Variants in EXOC4 observed in about 807,000 individuals in gnomAD.
The protein encoded by EXOC4 is SEC8-like 1.
In EXOC4, 71 loss-of-function variants were observed where a neutral mutation model predicts 107.2. The ratio of observed to expected loss-of-function variants is 0.66; its 90% CI spans 0.55 to 0.81. The LOEUF (loss-of-function observed/expected upper bound fraction) is 0.81, where lower values mean the gene tolerates loss of function less well. Among genes scored for constraint, EXOC4 ranks in the 30% least tolerant of loss-of-function variants. The probability of loss-of-function intolerance (pLI) is 0.00; values close to 1 mark genes in which losing one functional copy is unlikely to be tolerated. For missense variants in EXOC4, 1,108 were observed against 1,189.6 expected, an observed-to-expected ratio of 0.93 and a Z score of 1.01; for synonymous variants, 456 against 441.2, an observed-to-expected ratio of 1.03 and a Z score of -0.42.
At chr7:133,271,741 G>A (rs1046377632) in intron 1 of EXOC4, among the ~76,000 whole-genome samples, 2 of 152,154 alleles carry the variant, frequency 1.3e-5, no homozygotes. Flanking sequence ...CGCTTACGCC[G>A]CTTGCTGTGC....
At chr7:134,088,288 A>C in the EXOC4 span, among the ~76,000 whole-genome samples, 5 of 152,360 alleles carry the variant, frequency 3.3e-5, no homozygotes, top group South Asian at 4.1e-4. Context: ...AAAAGAAAAC[A>C]GATTCTTATT....
At chr7:133,576,629 G>A in intron 9 of EXOC4, 1 of 1,289,746 alleles carries the variant, frequency 7.8e-7, no homozygotes, top group South Asian at 1.2e-5. Flanking sequence ...CCTAGCTATT[G>A]CTAAATGTGA....
At chr7:133,970,048 A>G (rs1337748491) in intron 14 of EXOC4, among the ~76,000 whole-genome samples, 3 of 152,128 alleles carry the variant, frequency 2.0e-5, no homozygotes. Context: ...CTGCCCAGGG[A>G]GGAGGAATCT....
At chr7:133,623,247 G>A (rs977291579) in intron 9 of EXOC4, among the ~76,000 whole-genome samples, 7 of 152,118 alleles carry the variant, frequency 4.6e-5, no homozygotes, top group Admixed American at 2.6e-4. Flanking sequence ...TTGACAAGAC[G>A]TTTACTTGTC....
intron 10 of EXOC4, among the ~76,000 whole-genome samples, chr7:133,786,707 G>C (rs1422419461): frequency 2.0e-5 from 3 of 152,176 alleles, no homozygotes; most frequent in South Asian, 2.1e-4. Flanking sequence ...TTATTCAACT[G>C]TTTGCCTCTT....
chr7:133,650,623 A>T (rs1326874949), intron 10 of EXOC4, among the ~76,000 whole-genome samples: 1 of 152,134 alleles, frequency 6.6e-6, no homozygotes, highest in Non-Finnish European at 1.5e-5. Context: ...AAGGTCCCTA[A>T]CTATAGTAGT....
At chr7:133,727,998 C>A (rs1170488343) in intron 10 of EXOC4, among the ~76,000 whole-genome samples, 1 of 152,076 alleles carries the variant, frequency 6.6e-6, no homozygotes, top group Non-Finnish European at 1.5e-5. Flanking sequence ...TGTTAAAATT[C>A]TTTTAAATCA....
At chr7:133,843,890 G>A (rs1387828087) in intron 11 of EXOC4, among the ~76,000 whole-genome samples, 1 of 152,114 alleles carries the variant, frequency 6.6e-6, no homozygotes, top group Non-Finnish European at 1.5e-5. Context: ...GAATTTTATG[G>A]ACAGCCTTTT....
chr7:133,678,027 A>G (rs1173429601), intron 10 of EXOC4, among the ~76,000 whole-genome samples: 2 of 152,224 alleles, frequency 1.3e-5, no homozygotes, highest in Non-Finnish European at 2.9e-5. Flanking sequence ...TGAAATCAAT[A>G]ATAACCTTTT....
intron 17 of EXOC4, among the ~76,000 whole-genome samples, chr7:134,043,681 T>C (rs1313447265): frequency 6.6e-6 from 1 of 152,182 alleles, no homozygotes. Flanking sequence ...CTGACATTTC[T>C]TGGGTGTAAA....
intron 10 of EXOC4, among the ~76,000 whole-genome samples, chr7:133,778,724 A>T (rs1796398696): frequency 6.6e-6 from 1 of 152,248 alleles, no homozygotes; most frequent in Non-Finnish European, 1.5e-5. Context: ...TCATTCTATC[A>T]TACAGAAGAA....
chr7:133,434,400 A>C (rs1225309139), intron 7 of EXOC4, among the ~76,000 whole-genome samples: 1 of 152,246 alleles, frequency 6.6e-6, no homozygotes, highest in East Asian at 1.9e-4. Flanking sequence ...GAAGGTTTTC[A>C]GAATTTCCCT....
chr7:133,894,381 C>T (rs1442009013), intron 11 of EXOC4, among the ~76,000 whole-genome samples: 1 of 141,634 alleles, frequency 7.1e-6, no homozygotes, highest in East Asian at 2.1e-4. Flanking sequence ...TGAATGTCCT[C>T]CCGTAGCTCA....
intron 9 of EXOC4, chr7:133,576,371 G>T: frequency 1.3e-6 from 1 of 799,890 alleles, no homozygotes; most frequent in Non-Finnish European, 1.7e-6. Flanking sequence ...TGATTGGTTG[G>T]CTTGTTTCTT....
intron 10 of EXOC4, among the ~76,000 whole-genome samples, chr7:133,791,006 T>C (rs1246541823): frequency 6.6e-6 from 1 of 152,226 alleles, no homozygotes; most frequent in African/African-American, 2.4e-5. Flanking sequence ...TAGGTTTTAG[T>C]GAAAGAAGAC....
chr7:133,286,816 C>G (rs950410095), intron 2 of EXOC4, among the ~76,000 whole-genome samples: 4 of 152,196 alleles, frequency 2.6e-5, no homozygotes, highest in Non-Finnish European at 5.9e-5. Context: ...ACTTCATCCT[C>G]CTGTTTTCTG....
chr7:133,497,017 A>G (rs984340040), intron 9 of EXOC4, among the ~76,000 whole-genome samples: 2 of 152,178 alleles, frequency 1.3e-5, no homozygotes, highest in South Asian at 2.1e-4. Flanking sequence ...TTGTGAATAG[A>G]TTAGGCCATG....
chr7:133,464,854 C>G, intron 7 of EXOC4, among the ~76,000 whole-genome samples: 1 of 111,836 alleles, frequency 8.9e-6, no homozygotes, highest in East Asian at 3.2e-4. Flanking sequence ...GGGTCTCACT[C>G]TGTCACCCAG....
chr7:133,444,643 G>T (rs1049835196), intron 7 of EXOC4, among the ~76,000 whole-genome samples: 2 of 152,170 alleles, frequency 1.3e-5, no homozygotes, highest in African/African-American at 2.4e-5. Context: ...TGGTCAGCAA[G>T]CCTTCTTTGA....
Sources: gnomAD v4.1 joint callset for allele counts (sites outside exome capture counted in the v4.1 genomes callset) on GRCh38, gnomAD v4.1.1 for gene constraint, MANE v1.5 for transcripts, NCBI Gene and HGNC (gene_info 2026-07-23, HGNC 2026-07-21) for gene names.